CAMKMT: variants seen among roughly 807,000 people sequenced by gnomAD.
CAMKMT encodes the protein calmodulin-lysine N-methyltransferase.
A neutral mutation model predicts 48.0 loss-of-function variants in CAMKMT; 53 were observed. The observed-to-expected ratio is 1.10, with a 90% CI of 0.89 to 1.39. The LOEUF (loss-of-function observed/expected upper bound fraction) is 1.39. Ranked by LOEUF, CAMKMT falls within the 40% of genes most tolerant of loss-of-function variation. The pLI, the probability that CAMKMT is intolerant of heterozygous loss-of-function variation, is 0.00. For synonymous variants in CAMKMT, 165 were observed against 152.3 expected (o/e 1.08, Z -0.61); for missense variants, 428 against 402.7 (o/e 1.06, Z -0.54).
intron 2 of CAMKMT, among the ~76,000 whole-genome samples, chr2:44,381,842 C>T (rs1354872235): frequency 2.6e-5 from 4 of 151,810 alleles, no homozygotes; most frequent in Non-Finnish European, 4.4e-5. Context: ...GGATTATGAG[C>T]AGTTTTTTCT....
At chr2:44,379,813 G>C (rs539491082) in intron 2 of CAMKMT, among the ~76,000 whole-genome samples, 7 of 149,944 alleles carry the variant, frequency 4.7e-5, no homozygotes, top group African/African-American at 9.8e-5. Context: ...TCCTGTCTTT[G>C]TGTTTTTAAT....
intron 3 of CAMKMT, among the ~76,000 whole-genome samples, chr2:44,588,244 G>A (rs1399903159): frequency 4.1e-5 from 2 of 48,844 alleles, no homozygotes; most frequent in Non-Finnish European, 9.8e-5. Flanking sequence ...CCGTCCGGCA[G>A]CCACCCCGTC....
intron 7 of CAMKMT, among the ~76,000 whole-genome samples, chr2:44,718,813 T>G (rs1240657679): frequency 3.3e-5 from 5 of 152,242 alleles, no homozygotes; most frequent in Admixed American, 6.5e-5. Context: ...TTCAGGTTTA[T>G]GACCTTTATT....
At chr2:44,582,328 A>G (rs185121887) in intron 3 of CAMKMT, among the ~76,000 whole-genome samples, 1 of 152,360 alleles carries the variant, frequency 6.6e-6, no homozygotes, top group East Asian at 1.9e-4. Context: ...TACCTCACTA[A>G]CAGTGCAATG....
At chr2:44,676,623 G>C (rs1333151282) in intron 3 of CAMKMT, 1 of 152,212 alleles carries the variant, frequency 6.6e-6, no homozygotes, top group Non-Finnish European at 1.5e-5. Flanking sequence ...TGCAGAAGGG[G>C]TCCTACAGTC....
intron 3 of CAMKMT, among the ~76,000 whole-genome samples, chr2:44,404,035 A>G (rs1234982462): frequency 6.6e-6 from 1 of 152,184 alleles, no homozygotes; most frequent in Non-Finnish European, 1.5e-5. Flanking sequence ...TTAATATACC[A>G]TTAAAACATA....
At chr2:44,658,620 ACAAT>A (rs1317338566) in intron 3 of CAMKMT, among the ~76,000 whole-genome samples, 2 of 152,222 alleles carry the variant, frequency 1.3e-5, no homozygotes, top group Non-Finnish European at 2.9e-5. Context: ...ATAACCGTAG[ACAAT>A]CTATCTACCC....
intron 3 of CAMKMT, among the ~76,000 whole-genome samples, chr2:44,542,511 A>G (rs1667175585): frequency 2.1e-5 from 2 of 96,978 alleles, no homozygotes; most frequent in African/African-American, 3.0e-5. Flanking sequence ...ACACACACAC[A>G]CACACACACA....
intron 3 of CAMKMT, among the ~76,000 whole-genome samples, chr2:44,552,949 G>C (rs1385638477): frequency 6.6e-6 from 1 of 152,158 alleles, no homozygotes; most frequent in Non-Finnish European, 1.5e-5. Flanking sequence ...TAGAGGAAGG[G>C]AATAGGATAA....
At chr2:44,522,437 T>G (rs147491680) in intron 3 of CAMKMT, among the ~76,000 whole-genome samples, 1 of 152,314 alleles carries the variant, frequency 6.6e-6, no homozygotes, top group East Asian at 1.9e-4. Context: ...AATAAGCACT[T>G]CTCTCTCTTG....
intron 3 of CAMKMT, among the ~76,000 whole-genome samples, chr2:44,462,614 C>T (rs751510188): frequency 6.6e-6 from 1 of 151,860 alleles, no homozygotes; most frequent in Non-Finnish European, 1.5e-5. Context: ...TGAATTGTTG[C>T]TGGGTCAAAG....
intron 3 of CAMKMT, among the ~76,000 whole-genome samples, chr2:44,449,287 C>T (rs1408580371): frequency 6.6e-6 from 1 of 152,086 alleles, no homozygotes; most frequent in East Asian, 1.9e-4. Context: ...CAGTTTTATT[C>T]CCAAACTCTA....
intron 3 of CAMKMT, among the ~76,000 whole-genome samples, chr2:44,538,140 C>T (rs988757807): frequency 3.3e-5 from 5 of 151,998 alleles, no homozygotes; most frequent in Non-Finnish European, 7.4e-5. Context: ...GAGACCGAGG[C>T]GGGTGGATCA....
intron 7 of CAMKMT, among the ~76,000 whole-genome samples, chr2:44,722,950 G>T (rs549987358): frequency 1.2e-4 from 19 of 152,282 alleles, no homozygotes; most frequent in African/African-American, 4.3e-4. Flanking sequence ...CATGAGGGGG[G>T]TCTGAATGTT....
At chr2:44,697,181 T>A (rs1352242506) in intron 3 of CAMKMT, among the ~76,000 whole-genome samples, 2 of 152,166 alleles carry the variant, frequency 1.3e-5, no homozygotes, top group Non-Finnish European at 2.9e-5. Context: ...GGATTGAAAT[T>A]ACCCACTGAA....
In CAMKMT at chr2:44,372,738, A is replaced by T; in HGVS notation, c.161A>T (p.Asp54Val). The T allele has an allele frequency of 6.2e-7, 1 of 1,613,292 alleles. No individual in the cohort carries two copies. Among genetic ancestry groups the T allele is most frequent in the Non-Finnish European group, 8.5e-7 (1 of 1,179,742 alleles). ...AAGGTTCTGAAGCAAAAACACCTGG[A>T]TGATTGCCTGCGACATGTATCTGTA... is the stretch of plus-strand genomic sequence containing the variant. Reference protein sequence around the residue: ...LRQVLKQKHLDDCLRHVSVRR... With the variant: ...LRQVLKQKHLVDCLRHVSVRR... Residue 54 changes from aspartate (D) to valine (V), a missense_variant, in exon 2 of 11, where the codon GAT becomes GTT. Physicochemically the swap from Asp to Val is radical, Grantham distance 152 (BLOSUM62 -3). Transcript: ENST00000378494.
chr2:44,726,971 G>T (rs551753688), intron 7 of CAMKMT, among the ~76,000 whole-genome samples: 69 of 152,060 alleles, frequency 4.5e-4, no homozygotes, highest in Non-Finnish European at 7.8e-4. Flanking sequence ...TGTTCCATTG[G>T]TCTATGTGTC....
chr2:44,576,284 C>T lies in CAMKMT; in HGVS notation c.377-127999C>T, dbSNP rs146542472. On this transcript the variant is annotated intron_variant, in intron 3 of 10. Transcript: ENST00000378494. ...CAGAGGTTGCAGTGAGCCGAGATTG[C>T]GTCATTGCACTCCAGCTTGGGCAAC... 9.0e-3 allele frequency among the ~76,000 whole-genome samples: 1,302 copies of T among 145,458 alleles called. 7 individuals carry two copies. The highest frequency in any genetic ancestry group is 0.025 in the Middle Eastern group (7 of 276).
intron 3 of CAMKMT, among the ~76,000 whole-genome samples, chr2:44,632,975 C>T (rs1462023476): frequency 6.6e-6 from 1 of 151,612 alleles, no homozygotes; most frequent in Non-Finnish European, 1.5e-5. Context: ...TAATAAACTC[C>T]CCTTTCTATA....
Sources: allele counts gnomAD v4.1 joint callset (sites outside exome capture counted in the v4.1 genomes callset), GRCh38; gene constraint gnomAD v4.1.1; transcripts MANE v1.5; gene names NCBI Gene and HGNC (gene_info 2026-07-23, HGNC 2026-07-21).